Variants in TYW1B observed in about 807,000 individuals in gnomAD.
TYW1B encodes the protein tRNA-yW synthesizing protein 1 homolog B.
In TYW1B, 73 loss-of-function variants were observed where a neutral mutation model predicts 86.9. That is an observed-to-expected ratio of 0.84 (90% CI 0.70 to 1.02). The LOEUF is 1.02. Among genes scored for constraint, TYW1B ranks in the 50% least tolerant of loss-of-function variants. The pLI is 0.00. For missense variants in TYW1B, 637 were observed against 827.4 expected (o/e 0.77, Z 2.82); for synonymous variants, 248 against 292.8 (o/e 0.85, Z 1.56).
At chr7:72,744,398 T>C in intron 8 of TYW1B, 86 bp downstream of exon 8, 1 of 1,352,066 alleles carries the variant, frequency 7.4e-7, no homozygotes, top group South Asian at 1.2e-5. Flanking sequence ...AGCAGAGCTC[T>C]TGGGTAAGTC....
intron 7 of TYW1B, among the ~76,000 whole-genome samples, chr7:72,762,929 C>T (rs930936892): frequency 5.3e-5 from 8 of 151,944 alleles, no homozygotes; most frequent in African/African-American, 1.4e-4. Flanking sequence ...CAAAGTGCTG[C>T]GATTACAGGC....
chr7:72,720,909 C>T (rs1786886689), intron 9 of TYW1B, among the ~76,000 whole-genome samples: 1 of 146,532 alleles, frequency 6.8e-6, no homozygotes, highest in African/African-American at 2.5e-5. Flanking sequence ...TCCCCCCAAC[C>T]CATGACAGGC....
At position 72,661,346 on chromosome 7, in the gene TYW1B, C is replaced by A. The variant is rs369736285; in HGVS notation, c.1507-32349G>T. Among the ~76,000 whole-genome samples the A allele has an allele frequency of 3.6e-3, 546 of 150,408 alleles. 2 individuals are homozygous for A. Among genetic ancestry groups the A allele is most frequent in the African/African-American group, 7.3e-3 (301 of 40,994 alleles). ...GGTTTTTAATTTCAAGCACGAAATTCTCTGGGTTTCTTGAGCCCAGTGGAC... is the reference window on the plus strand; with the variant it reads ...GGTTTTTAATTTCAAGCACGAAATTATCTGGGTTTCTTGAGCCCAGTGGAC... On this transcript the variant is annotated intron_variant, in intron 11 of 13. Transcript: ENST00000620995.
chr7:72,792,970 G>A (rs1480582968), intron 6 of TYW1B, among the ~76,000 whole-genome samples: 1 of 152,186 alleles, frequency 6.6e-6, no homozygotes, highest in African/African-American at 2.4e-5. Flanking sequence ...TGGTTACTAT[G>A]AAAAGCGGAT....
chr7:72,759,316 C>G (rs553015079), intron 7 of TYW1B, among the ~76,000 whole-genome samples: 1 of 152,258 alleles, frequency 6.6e-6, no homozygotes, highest in African/African-American at 2.4e-5. Flanking sequence ...GCCTGGGTGA[C>G]AGAATGAGAC....
At chr7:72,662,418 TATATATATATAGATAGATAGATAGATAG>T (rs1477207844) in intron 11 of TYW1B, among the ~76,000 whole-genome samples, 7 of 49,388 alleles carry the variant, frequency 1.4e-4, no homozygotes, top group East Asian at 7.2e-4. Context: ...AGGTTTTTAA[TATATATATATAGATAGATAGATAGATAG>T]ATAGATAGAT....
chr7:72,760,537 ATGTAT>A (rs1787669637), intron 7 of TYW1B, among the ~76,000 whole-genome samples: 1 of 152,220 alleles, frequency 6.6e-6, no homozygotes, highest in Admixed American at 6.5e-5. Flanking sequence ...ACGTATGCAC[ATGTAT>A]TGTATGTTGT....
At position 72,744,533 on chromosome 7, in the gene TYW1B, C is replaced by T. The variant is rs782237838; in HGVS notation, c.1033G>A (p.Glu345Lys). ...ILWNESHRCMETTPSLACANK... is the reference protein window; with the variant it reads ...ILWNESHRCMKTTPSLACANK... Reference sequence around the variant, plus strand: ...GCACACGCCAAGCTCGGGGTGGTTTCCATGCAGCGATGGCTCTCATTCCAT... The same window carrying T: ...GCACACGCCAAGCTCGGGGTGGTTTTCATGCAGCGATGGCTCTCATTCCAT... The change falls in exon 8 of 14, where the codon GAA becomes AAA. Residue 345 changes from glutamate to lysine, a missense_variant. Transcript: ENST00000620995. 6.5e-7 allele frequency: 1 copy of T among 1,541,868 alleles called. No homozygotes were observed.
At chr7:72,781,876 T>C (rs1554471699) in intron 6 of TYW1B, among the ~76,000 whole-genome samples, 2 of 152,172 alleles carry the variant, frequency 1.3e-5, no homozygotes, top group Non-Finnish European at 2.9e-5. Flanking sequence ...CTTATGAAAA[T>C]GGCAATGAAT....
intron 11 of TYW1B, among the ~76,000 whole-genome samples, chr7:72,666,658 C>T (rs1813469164): frequency 6.6e-6 from 1 of 151,978 alleles, no homozygotes; most frequent in Non-Finnish European, 1.5e-5. Context: ...CCTGAAAATG[C>T]TAAATGAAGC....
At chr7:72,685,506 A>G (rs568328706) in intron 11 of TYW1B, among the ~76,000 whole-genome samples, 53 of 152,242 alleles carry the variant, frequency 3.5e-4, no homozygotes, top group Non-Finnish European at 6.5e-4. Context: ...AAAGAGTCAC[A>G]CAAATGTAGT....
At chr7:72,801,064 CAT>C (rs750147113) in intron 6 of TYW1B, among the ~76,000 whole-genome samples, 3 of 152,038 alleles carry the variant, frequency 2.0e-5, no homozygotes, top group Admixed American at 6.6e-5. Context: ...TGTGGTAACT[CAT>C]GTGTGTAATC....
rs1319555479 is a variant in TYW1B, at chr7:72,806,607, ACAC to A, written c.723+456_723+458del. On this transcript the variant is annotated intron_variant, in intron 5 of 13. Coordinates refer to ENST00000620995, the MANE Select transcript of TYW1B (RefSeq NM_001145440.3). ...CCTAAGGCCTCTCTCTCTCTCTGAAACACCACCACATGAGTTTCACATCTTCCT... is the reference window on the plus strand; with the variant it reads ...CCTAAGGCCTCTCTCTCTCTCTGAAACACCACATGAGTTTCACATCTTCCT... Among the ~76,000 whole-genome samples, 4 of 151,454 alleles carry A rather than the reference ACAC, an allele frequency of 2.6e-5. No homozygotes were observed. In the South Asian group the frequency reaches 8.4e-4, roughly 32 times the overall value.
At chr7:72,812,747 G>A (rs1788645132) in intron 3 of TYW1B, among the ~76,000 whole-genome samples, 1 of 150,530 alleles carries the variant, frequency 6.6e-6, no homozygotes, top group African/African-American at 2.5e-5. Context: ...CCAGGCTGGA[G>A]TGCAGTGGCA....
intron 13 of TYW1B, among the ~76,000 whole-genome samples, chr7:72,586,842 G>A (rs1811289853): frequency 6.6e-6 from 1 of 151,996 alleles, no homozygotes; most frequent in African/African-American, 2.4e-5. Context: ...AGGGCTTAGA[G>A]GTCACCTCCT....
intron 11 of TYW1B, among the ~76,000 whole-genome samples, chr7:72,644,980 A>G (rs1554441867): frequency 1.3e-5 from 2 of 151,942 alleles, no homozygotes; most frequent in Non-Finnish European, 2.9e-5. Flanking sequence ...GGCGTGTGCC[A>G]CCAGGCCCGG....
intron 11 of TYW1B, among the ~76,000 whole-genome samples, chr7:72,663,465 A>T (rs1234626943): frequency 2.0e-4 from 31 of 151,962 alleles, no homozygotes; most frequent in Admixed American, 2.0e-3. Context: ...ACAAATAAAA[A>T]TCACTTTCAA....
At chr7:72,736,887 T>C (rs1307497069) in intron 8 of TYW1B, among the ~76,000 whole-genome samples, 1 of 152,208 alleles carries the variant, frequency 6.6e-6, no homozygotes, top group African/African-American at 2.4e-5. Flanking sequence ...TTAATGGACA[T>C]CTGGAGTATA....
rs548547234 is a variant in TYW1B, at chr7:72,819,223, C to T, written c.136-3742G>A. On this transcript the variant is annotated intron_variant, in intron 2 of 13. Coordinates refer to ENST00000620995, the MANE Select transcript of TYW1B (RefSeq NM_001145440.3). The stretch of plus-strand genomic sequence containing the variant: ...CCACACGTGTAGGATCTCTGGGCCA[C>T]TGTGAGGACTCAAGCATTGACTCTT... Among the ~76,000 whole-genome samples, 7 of 152,158 alleles carry T rather than the reference C, an allele frequency of 4.6e-5. No homozygotes were observed. In the South Asian group the frequency reaches 1.5e-3, roughly 32 times the overall value.
Sources: allele counts gnomAD v4.1 joint callset (sites outside exome capture counted in the v4.1 genomes callset), GRCh38; gene constraint gnomAD v4.1.1; transcripts MANE v1.5; gene names NCBI Gene and HGNC (gene_info 2026-07-23, HGNC 2026-07-21).